The following PTH2R variants were observed in gnomAD, a reference collection of about 807,000 sequenced individuals.
PTH2R encodes the protein parathyroid hormone 2 receptor, also known as PTH2 receptor.
A neutral mutation model predicts 60.3 loss-of-function variants in PTH2R; 59 were observed. The observed-to-expected ratio is 0.98, with a 90% CI of 0.79 to 1.22. The LOEUF (loss-of-function observed/expected upper bound fraction) is 1.22, where lower values mean the gene tolerates loss of function less well. Ranked by LOEUF, PTH2R falls within the 50% of genes most tolerant of loss-of-function variation. The pLI, the probability that PTH2R is intolerant of heterozygous loss-of-function variation, is 0.00. For synonymous variants in PTH2R, 256 were observed against 243.8 expected, an observed-to-expected ratio of 1.05 and a Z score of -0.47; for missense variants, 749 against 682.6, an observed-to-expected ratio of 1.10 and a Z score of -1.08.
At chr2:208,460,062 G>C (rs1259809181) in intron 9 of PTH2R, 101 bp downstream of exon 9, 22 of 996,202 alleles carry the variant, frequency 2.2e-5, no homozygotes, top group Non-Finnish European at 1.1e-5. Flanking sequence ...CAACAGATCT[G>C]AGAAACTGAC....
chr2:208,383,742 G>GGGCT (rs1700956336), intron 1 of PTH2R, among the ~76,000 whole-genome samples: 1 of 152,212 alleles, frequency 6.6e-6, no homozygotes, highest in African/African-American at 2.4e-5. Context: ...ATGGGTGTGA[G>GGGCT]GGCTGGCATT....
intron 9 of PTH2R, among the ~76,000 whole-genome samples, chr2:208,476,710 C>G (rs1703012309): frequency 6.6e-6 from 1 of 152,144 alleles, no homozygotes; most frequent in Non-Finnish European, 1.5e-5. Flanking sequence ...GAAACTAACA[C>G]ATAGCATCTC....
intron 9 of PTH2R, among the ~76,000 whole-genome samples, chr2:208,470,471 T>A (rs1381278027): frequency 6.6e-6 from 1 of 151,596 alleles, no homozygotes; most frequent in East Asian, 1.9e-4. Context: ...GGGGCAGGTC[T>A]TTCTTGTGCT....
At chr2:208,485,598 A>G (rs1327969988) in intron 10 of PTH2R, among the ~76,000 whole-genome samples, 1 of 152,256 alleles carries the variant, frequency 6.6e-6, no homozygotes, top group Admixed American at 6.5e-5. Context: ...AGCAAAGCTC[A>G]TCAGTATTCA....
At chr2:208,451,403 A>T (rs1163382581) in intron 8 of PTH2R, among the ~76,000 whole-genome samples, 1 of 152,184 alleles carries the variant, frequency 6.6e-6, no homozygotes, top group African/African-American at 2.4e-5. Flanking sequence ...GGAAAAGGAC[A>T]TGTGGGAAGG....
rs763353751 is a variant in PTH2R, at chr2:208,481,136, G to C, written c.1048G>C (p.Val350Leu). The change falls in exon 10 of 13, where the codon GTT becomes CTT. Residue 350 changes from valine to leucine, a missense_variant. Physicochemically the swap from Val to Leu is conservative, Grantham distance 32. Coordinates refer to ENST00000272847, the MANE Select transcript of PTH2R (RefSeq NM_005048.4). Reference sequence around the variant, plus strand: ...TACCAAAATCTGGGAGACCAATGCAGTTGGGCATGACACAAGGAAGCAATA... The same window carrying C: ...TACCAAAATCTGGGAGACCAATGCACTTGGGCATGACACAAGGAAGCAATA... ...LATKIWETNA[V>L]GHDTRKQYRK... The C allele has an allele frequency of 5.6e-6, 9 of 1,610,464 alleles. No individual in the cohort carries two copies. Among genetic ancestry groups the C allele is most frequent in the Non-Finnish European group, 7.6e-6 (9 of 1,177,220 alleles).
intron 2 of PTH2R, among the ~76,000 whole-genome samples, chr2:208,434,976 G>A (rs1248068966): frequency 6.6e-6 from 1 of 152,190 alleles, no homozygotes; most frequent in Non-Finnish European, 1.5e-5. Flanking sequence ...TGTGAGCAAA[G>A]CAAGGCTTTT....
intron 1 of PTH2R, among the ~76,000 whole-genome samples, chr2:208,388,291 T>G (rs1370428024): frequency 1.3e-5 from 2 of 152,062 alleles, no homozygotes; most frequent in Admixed American, 6.6e-5. Context: ...CACTCCAGCC[T>G]GGGTGACAGA....
intron 1 of PTH2R, among the ~76,000 whole-genome samples, chr2:208,367,247 C>T (rs1700610290): frequency 6.6e-6 from 1 of 152,042 alleles, no homozygotes. Context: ...GCACATGCCA[C>T]CATGCCCAGC....
At chr2:208,425,779 T>G (rs1040421048) in intron 1 of PTH2R, among the ~76,000 whole-genome samples, 1 of 152,192 alleles carries the variant, frequency 6.6e-6, no homozygotes, top group Non-Finnish European at 1.5e-5. Flanking sequence ...CTTGAGACTT[T>G]TAAATTTTTC....
At chr2:208,460,006 A>G (rs1434791201) in intron 9 of PTH2R, 45 bp downstream of exon 9, 1 of 1,525,338 alleles carries the variant, frequency 6.6e-7, no homozygotes, top group Admixed American at 1.8e-5. Flanking sequence ...TGAAAAATTA[A>G]CCTGCTGCTA....
chr2:208,419,992 G>A (rs1701721277), intron 1 of PTH2R, among the ~76,000 whole-genome samples: 1 of 152,136 alleles, frequency 6.6e-6, no homozygotes. Flanking sequence ...GTAGGGACAT[G>A]GATGAAGCTG....
intron 9 of PTH2R, among the ~76,000 whole-genome samples, chr2:208,461,290 G>GA (rs1201263620): frequency 6.6e-6 from 1 of 151,856 alleles, no homozygotes; most frequent in Non-Finnish European, 1.5e-5. Flanking sequence ...TTAATTTAGT[G>GA]AAAAAAATCC....
At chr2:208,394,811 T>A (rs1701175582) in intron 1 of PTH2R, among the ~76,000 whole-genome samples, 1 of 152,176 alleles carries the variant, frequency 6.6e-6, no homozygotes, top group African/African-American at 2.4e-5. Flanking sequence ...TAATTTTATT[T>A]AAGGAATTAA....
rs1574873494 is a variant in PTH2R at position 208,439,052 on chromosome 2, C to A, written c.411+1171C>A. ...AGAATTTCAGTCTCATTGATAGAAA[C>A]AAACATTCACTGATACTTAGTGTAC... is the stretch of plus-strand genomic sequence containing the variant. On this transcript the variant is annotated intron_variant, in intron 4 of 12. Coordinates refer to ENST00000272847, the MANE Select transcript of PTH2R (RefSeq NM_005048.4). Among the ~76,000 whole-genome samples, 4 of 152,232 alleles carry A rather than the reference C, an allele frequency of 2.6e-5. No individual in the cohort carries two copies. In the South Asian group the frequency reaches 8.3e-4, roughly 32 times the overall value.
rs1370430824 is a variant in PTH2R, at chr2:208,444,800, G to A, written c.766G>A (p.Val256Met). ...GGCTACAAATTATTATTGGATCCTG[G>A]TGGAAGGTCTCTACCTGCATAATCT... is the stretch of plus-strand genomic sequence containing the variant. Reference protein sequence around the residue: ...FLATNYYWILVEGLYLHNLIF... With the variant: ...FLATNYYWILMEGLYLHNLIF... The change falls in exon 7 of 13, where the codon GTG becomes ATG. Residue 256 changes from valine (V) to methionine (M), a missense_variant. Transcript: ENST00000272847. 6.2e-7 allele frequency: 1 copy of A among 1,613,820 alleles called. No individual in the cohort carries two copies. Among genetic ancestry groups the A allele is most frequent in the African/African-American group, 1.3e-5 (1 of 75,028 alleles).
In PTH2R at chr2:208,443,407, G is replaced by A; in HGVS notation, c.569G>A (p.Arg190Lys). The A allele has an allele frequency of 1.9e-6, 3 of 1,612,820 alleles. No homozygotes were observed. The highest frequency in any genetic ancestry group is 2.5e-6 in the Non-Finnish European group (3 of 1,179,448). Residue 190 changes from arginine (R) to lysine (K), a missense_variant, in exon 6 of 13, where the codon AGA (arginine) becomes AAA (lysine). Arg to Lys is a conservative substitution (Grantham distance 26, BLOSUM62 2). Transcript: ENST00000272847. Reference protein sequence around the residue: ...HMHLFVSFMLRATSIFVKDRV... With the variant: ...HMHLFVSFMLKATSIFVKDRV... ...CACTTATTTGTGTCTTTCATGCTGA[G>A]AGCTACAAGCATCTTTGTCAAAGAC...
chr2:208,421,043 G>A (rs939645389), intron 1 of PTH2R, among the ~76,000 whole-genome samples: 2 of 152,102 alleles, frequency 1.3e-5, no homozygotes, highest in Admixed American at 1.3e-4. Flanking sequence ...TATAATTGGA[G>A]CTCTATAAAT....
At chr2:208,360,296 T>C in intron 1 of PTH2R, 2 of 360,888 alleles carry the variant, frequency 5.5e-6, no homozygotes, top group Middle Eastern at 4.4e-4. Context: ...CTACGGGGTC[T>C]CCTACTGGTC....
Sources: gnomAD v4.1 joint callset for allele counts (sites outside exome capture counted in the v4.1 genomes callset) on GRCh38, gnomAD v4.1.1 for gene constraint, MANE v1.5 for transcripts, NCBI Gene and HGNC (gene_info 2026-07-23, HGNC 2026-07-21) for gene names.